The following ACMSD variants were observed in gnomAD, a reference collection of about 807,000 sequenced individuals.
The protein encoded by ACMSD is aminocarboxymuconate semialdehyde decarboxylase.
Under a neutral mutation model 45.9 loss-of-function variants are expected in ACMSD, and 37 were observed. That is an observed-to-expected ratio of 0.81 (90% CI 0.62 to 1.06). ACMSD has a LOEUF of 1.06. Among genes scored for constraint, ACMSD ranks in the 50% least tolerant of loss-of-function variants. ACMSD has a pLI of 0.00. For synonymous variants in ACMSD, 138 were observed against 148.8 expected (o/e 0.93, Z 0.53); for missense variants, 434 against 420.9 (o/e 1.03, Z -0.27).
chr2:134,875,274 G>A (rs1201234257), intron 8 of ACMSD, among the ~76,000 whole-genome samples: 2 of 152,178 alleles, frequency 1.3e-5, no homozygotes, highest in South Asian at 2.1e-4. Context: ...TTACAGGCAT[G>A]AGTCACCATA....
intron 6 of ACMSD, among the ~76,000 whole-genome samples, chr2:134,868,086 G>A (rs1006250853): frequency 6.6e-6 from 1 of 152,118 alleles, no homozygotes; most frequent in African/African-American, 2.4e-5. Flanking sequence ...AACCATACCT[G>A]TCTAGTAAAT....
At chr2:134,872,239 G>T (rs950083951) in intron 7 of ACMSD, among the ~76,000 whole-genome samples, 2 of 152,156 alleles carry the variant, frequency 1.3e-5, no homozygotes, top group African/African-American at 4.8e-5. Flanking sequence ...TTATAGGTGT[G>T]AGCCATTGTG....
intron 4 of ACMSD, chr2:134,863,179 A>G: frequency 1.8e-6 from 1 of 570,078 alleles, no homozygotes; most frequent in South Asian, 7.6e-5. Context: ...TTTTCCAATG[A>G]ATCAGCAATA....
At chr2:134,887,847 T>C (rs1231814499) in intron 8 of ACMSD, among the ~76,000 whole-genome samples, 1 of 152,176 alleles carries the variant, frequency 6.6e-6, no homozygotes, top group Admixed American at 6.5e-5. Context: ...CCCTATCTCA[T>C]ACCAGCCATA....
At chr2:134,860,167 G>A (rs1335775080) in intron 3 of ACMSD, among the ~76,000 whole-genome samples, 1 of 152,182 alleles carries the variant, frequency 6.6e-6, no homozygotes, top group Non-Finnish European at 1.5e-5. Flanking sequence ...GGAGACAAAG[G>A]CACAAGAATC....
At chr2:134,879,556 A>G (rs533888497) in intron 8 of ACMSD, among the ~76,000 whole-genome samples, 101 of 152,246 alleles carry the variant, frequency 6.6e-4, no homozygotes, top group African/African-American at 2.2e-3. Flanking sequence ...CATATTTACT[A>G]TCTCATTCAT....
chr2:134,840,193 A>AAAAAAAAAAAAAAAAAAAAT (rs1686735247), intron 1 of ACMSD, among the ~76,000 whole-genome samples: 1 of 116,540 alleles, frequency 8.6e-6, no homozygotes, highest in Non-Finnish European at 1.8e-5. Context: ...AAAAAAAAAA[A>AAAAAAAAAAAAAAAAAAAAT]CCACTAATTC....
intron 2 of ACMSD, among the ~76,000 whole-genome samples, chr2:134,847,029 G>A (rs1293278886): frequency 1.3e-5 from 2 of 152,178 alleles, no homozygotes; most frequent in African/African-American, 2.4e-5. Flanking sequence ...ACAGAAAGGA[G>A]GGCAATGTGG....
chr2:134,866,871 G>T (rs1573655119), intron 5 of ACMSD, among the ~76,000 whole-genome samples: 2 of 152,184 alleles, frequency 1.3e-5, no homozygotes, highest in African/African-American at 4.8e-5. Context: ...TCATGTCAGT[G>T]CCTGTCTGGC....
At chr2:134,867,937 T>C (rs935348880) in intron 6 of ACMSD, among the ~76,000 whole-genome samples, 1 of 152,144 alleles carries the variant, frequency 6.6e-6, no homozygotes, top group Non-Finnish European at 1.5e-5. Flanking sequence ...ATTTTACAGA[T>C]GGAGAAACTG....
At chr2:134,891,333 G>A (rs529966780) in intron 8 of ACMSD, among the ~76,000 whole-genome samples, 113 of 152,080 alleles carry the variant, frequency 7.4e-4, no homozygotes, top group African/African-American at 2.2e-3. Context: ...ATAGGGGTCC[G>A]AGTTCATTCT....
intron 1 of ACMSD, among the ~76,000 whole-genome samples, chr2:134,844,725 A>C (rs1686972286): frequency 6.6e-6 from 1 of 152,186 alleles, no homozygotes; most frequent in African/African-American, 2.4e-5. Context: ...TGGCATGCAC[A>C]GAAGTGTGAA....
chr2:134,871,511 G>GTTT (rs56946830), intron 7 of ACMSD, among the ~76,000 whole-genome samples: 2 of 145,574 alleles, frequency 1.4e-5, no homozygotes, highest in African/African-American at 2.5e-5. Context: ...TTTTGTCATT[G>GTTT]TTTTTTTTTT....
Position 134,870,965 on chromosome 2 carries a change from G to A in ACMSD, c.581G>A (p.Gly194Glu), listed in dbSNP as rs267598886. 1.9e-6 allele frequency: 3 copies of A among 1,613,486 alleles called. No individual in the cohort carries two copies. The African/African-American group carries it at 4.0e-5, about 22-fold the overall frequency. ...ACCTTGTGACTATTTCCTCTTTCAG[G>A]AATGCCAGCAGAGACCACCATAGCC... ...MAKYWLPWLV[G>E]MPAETTIAIC... is the part of the protein sequence containing the mutation. The change falls in exon 7 of 10, where the codon GGA becomes GAA. Residue 194 changes from glycine to glutamate, a missense_variant and splice_region_variant. Gly to Glu is a moderately conservative substitution (Grantham distance 98). Transcript: ENST00000356140.
In ACMSD at chr2:134,845,509, GTCTCTCTCTCTCTC is replaced by G. The variant is rs59782657; in HGVS notation, c.102+265_102+278del. ...TTGGAATTTGAGAACACATTAAAAG[GTCTCTCTCTCTCTC>G]TCTCTCTCTCTCTCTCTCTCTCTCT... On this transcript the variant is annotated intron_variant, in intron 2 of 9. Coordinates refer to ENST00000356140, the MANE Select transcript of ACMSD (RefSeq NM_138326.3). Among the ~76,000 whole-genome samples the G allele has an allele frequency of 5.3e-3, 499 of 94,442 alleles. 4 individuals are homozygous for G. The highest frequency in any genetic ancestry group is 0.021 in the African/African-American group (476 of 22,620). 62.0% of individuals were successfully genotyped at this position (94,442 alleles called of 152,430 possible). A position where few individuals can be genotyped will look rare whatever the true frequency, so the allele number is the denominator to read the frequency against.
At position 134,867,580 on chromosome 2, in the gene ACMSD, C is replaced by T. The variant is rs1360728303; in HGVS notation, c.488C>T (p.Ala163Val). The change falls in exon 6 of 10, where the codon GCA becomes GTA. Residue 163 changes from alanine to valine, a missense_variant and splice_region_variant. Physicochemically the swap from Ala to Val is moderately conservative, Grantham distance 64 (BLOSUM62 0). Transcript: ENST00000356140. ...CTCTCTCTCATTGCTTCTTTGAAGGCAGCCGAAAGGCTGAAGTGTTCCCTG... is the reference window on the plus strand; with the variant it reads ...CTCTCTCTCATTGCTTCTTTGAAGGTAGCCGAAAGGCTGAAGTGTTCCCTG... ...NAQELFPVYA[A>V]AERLKCSLFV... The T allele has an allele frequency of 6.2e-7, 1 of 1,613,296 alleles. No individual in the cohort carries two copies.
Position 134,859,358 on chromosome 2 carries a change from G to A in ACMSD, c.199+1G>A. ...CGTATTAGAGAAATGGACCAAAAAG[G>A]TACGATGAGAAGTGCTACCAATGTT... On this transcript the variant is annotated splice_donor_variant, in intron 3 of 9. Coordinates refer to ENST00000356140, the MANE Select transcript of ACMSD (RefSeq NM_138326.3). LOFTEE classifies it high-confidence loss of function. The A allele has an allele frequency of 6.2e-7, 1 of 1,613,654 alleles. No homozygotes were observed. The highest frequency in any genetic ancestry group is 2.2e-5 in the East Asian group (1 of 44,882).
intron 8 of ACMSD, among the ~76,000 whole-genome samples, chr2:134,881,761 G>C (rs1689051640): frequency 6.6e-6 from 1 of 152,154 alleles, no homozygotes; most frequent in African/African-American, 2.4e-5. Context: ...GCCGAGATGG[G>C]AGGATCACTT....
intron 6 of ACMSD, among the ~76,000 whole-genome samples, chr2:134,870,628 A>C (rs985878043): frequency 2.0e-5 from 3 of 152,146 alleles, no homozygotes; most frequent in African/African-American, 7.2e-5. Context: ...AGAGGCCAGG[A>C]GGCAGAAAAC....
Sources: gnomAD v4.1 joint callset for allele counts (sites outside exome capture counted in the v4.1 genomes callset) on GRCh38, gnomAD v4.1.1 for gene constraint, MANE v1.5 for transcripts, NCBI Gene and HGNC (gene_info 2026-07-23, HGNC 2026-07-21) for gene names.